RBFOX1: variants seen among roughly 807,000 people sequenced by gnomAD.
RBFOX1 encodes RNA binding fox-1 homolog 1.
RBFOX1 carries 8 observed loss-of-function variants against 57.7 expected under a neutral mutation model. That is an observed-to-expected ratio of 0.14 (90% CI 0.08 to 0.25). The LOEUF (loss-of-function observed/expected upper bound fraction) is 0.25. RBFOX1 is among the 10% of genes least tolerant of loss of function. RBFOX1 has a pLI of 1.00. For missense variants in RBFOX1, 611 were observed against 548.5 expected (o/e 1.11, Z -1.14); for synonymous variants, 326 against 222.4 (o/e 1.47, Z -4.15).
chr16:6,134,969 A>G (rs1284782457), intron 1 of RBFOX1, among the ~76,000 whole-genome samples: 1 of 152,084 alleles, frequency 6.6e-6, no homozygotes, highest in Non-Finnish European at 1.5e-5. Context: ...AACATTAGGT[A>G]TATCTCCAAC....
intron 2 of RBFOX1, among the ~76,000 whole-genome samples, chr16:6,465,743 A>G (rs1023761261): frequency 2.0e-5 from 3 of 152,054 alleles, no homozygotes; most frequent in African/African-American, 4.8e-5. Flanking sequence ...AGGAGTTGCA[A>G]CAGAGACCAT....
chr16:5,897,068 G>A (rs1212112232), intron 4 of RBFOX1, among the ~76,000 whole-genome samples: 1 of 109,048 alleles, frequency 9.2e-6, no homozygotes, highest in African/African-American at 3.6e-5. Flanking sequence ...TCGCTCTGTC[G>A]CCCAGGCCGG....
Position 7,632,372 on chromosome 16 carries a change from T to C in RBFOX1, c.757+1689T>C, listed in dbSNP as rs1197260991. 4.6e-5 allele frequency among the ~76,000 whole-genome samples: 7 copies of C among 152,230 alleles called. No homozygotes were observed. The East Asian group carries it at 1.3e-3, about 29-fold the overall frequency. On this transcript the variant is annotated intron_variant, in intron 11 of 15. Coordinates refer to ENST00000550418, the MANE Select transcript of RBFOX1 (RefSeq NM_018723.4). ...TCCTTGGGGCCAGTGTAAATGTGTG[T>C]GCATGTATCTCCTGAAATTGTAATG...
At chr16:6,384,841 A>G (rs1036206718) in intron 2 of RBFOX1, among the ~76,000 whole-genome samples, 1 of 152,168 alleles carries the variant, frequency 6.6e-6, no homozygotes, top group African/African-American at 2.4e-5. Context: ...TCAGCCTGTG[A>G]TCTGGGAGGT....
chr16:6,457,992 G>A (rs1396616770), intron 2 of RBFOX1, among the ~76,000 whole-genome samples: 1 of 138,820 alleles, frequency 7.2e-6, no homozygotes, highest in Admixed American at 7.8e-5. Context: ...CACATACATA[G>A]GTTTGTGTTC....
chr16:6,844,440 T>C (rs1388446699), intron 3 of RBFOX1, among the ~76,000 whole-genome samples: 4 of 152,210 alleles, frequency 2.6e-5, no homozygotes, highest in Non-Finnish European at 5.9e-5. Flanking sequence ...AGTAAGAACA[T>C]GTGGTGTTTG....
chr16:5,599,253 G>A (rs1199798139), exon 3 of RBFOX1: 2 of 674,248 alleles, frequency 3.0e-6, no homozygotes, highest in Non-Finnish European at 5.4e-6. Flanking sequence ...TTGGTGACAA[G>A]GCTGCAAATT....
chr16:5,421,924 T>A (rs1287453303), intron 1 of RBFOX1, among the ~76,000 whole-genome samples: 1 of 152,078 alleles, frequency 6.6e-6, no homozygotes, highest in Non-Finnish European at 1.5e-5. Flanking sequence ...TTTTTAGCTG[T>A]GTGAGTGTCA....
chr16:7,300,093 G>A (rs1435217308), intron 4 of RBFOX1, among the ~76,000 whole-genome samples: 4 of 152,106 alleles, frequency 2.6e-5, no homozygotes, highest in Admixed American at 6.5e-5. Context: ...TTTCACTGCC[G>A]TCTCCCTTAC....
intron 1 of RBFOX1, among the ~76,000 whole-genome samples, chr16:5,308,755 T>C (rs1052132158): frequency 1.3e-5 from 2 of 152,074 alleles, no homozygotes; most frequent in Non-Finnish European, 2.9e-5. Context: ...TGTGTTACAT[T>C]TTTTTTCAAT....
chr16:7,363,189 G>C (rs1482730703), intron 4 of RBFOX1, among the ~76,000 whole-genome samples: 1 of 152,154 alleles, frequency 6.6e-6, no homozygotes, highest in East Asian at 1.9e-4. Context: ...CTGCACAACG[G>C]ATTGCCGTCA....
At chr16:5,703,489 A>G (rs946526039) in intron 3 of RBFOX1, among the ~76,000 whole-genome samples, 12 of 152,160 alleles carry the variant, frequency 7.9e-5, no homozygotes, top group African/African-American at 2.9e-4. Flanking sequence ...TACAAATATC[A>G]CAGAGCATCC....
Position 7,140,157 on chromosome 16 carries a change from CCTCTCT to C in RBFOX1, c.27+88091_27+88096del, listed in dbSNP as rs57128710. Among the ~76,000 whole-genome samples, 697 of 70,868 alleles carry C rather than the reference CCTCTCT, an allele frequency of 9.8e-3. 8 individuals carry two copies. The highest frequency in any genetic ancestry group is 0.014 in the Non-Finnish European group (514 of 36,902). The allele number at this position is 70,868 out of a possible 152,430, so 46.5% of individuals were successfully genotyped here. A position where few individuals can be genotyped will look rare whatever the true frequency, so the allele number is the denominator to read the frequency against. On this transcript the variant is annotated intron_variant, in intron 4 of 15. Coordinates refer to ENST00000550418, the MANE Select transcript of RBFOX1 (RefSeq NM_018723.4). ...CATTCTCTTATTCTCTCCTTCTCTC[CCTCTCT>C]CTCTCTCTCTCTCTCTCTCTCTCTC... is the stretch of plus-strand genomic sequence containing the variant.
chr16:7,003,280 G>A (rs187187811), intron 3 of RBFOX1, among the ~76,000 whole-genome samples: 148 of 151,808 alleles, frequency 9.7e-4, no homozygotes, highest in Non-Finnish European at 1.8e-3. Flanking sequence ...CCAACATGGT[G>A]AAACCCCCGT....
At position 5,257,032 on chromosome 16, in the gene RBFOX1, A is replaced by T. The variant is rs1407864178; in HGVS notation, c.219+16927A>T. ...TGTTGTTGGATTTTACACACAGGGA[A>T]ATCTAAGGAAGGTGTGGAAACCAGA... On this transcript the variant is annotated intron_variant, in intron 1 of 2. Transcript: ENST00000585867. 3.3e-5 allele frequency among the ~76,000 whole-genome samples: 5 copies of T among 152,136 alleles called. No homozygotes were observed. The East Asian group carries it at 7.7e-4, about 24-fold the overall frequency.
intron 3 of RBFOX1, among the ~76,000 whole-genome samples, chr16:6,924,361 C>T (rs116996128): frequency 0.022 from 3,404 of 151,906 alleles, 60 homozygotes; most frequent in Non-Finnish European, 0.035. Context: ...AAGAGGAACA[C>T]GCAAGAGAGA....
intron 1 of RBFOX1, among the ~76,000 whole-genome samples, chr16:5,443,485 A>C (rs1418460811): frequency 6.6e-6 from 1 of 152,076 alleles, no homozygotes; most frequent in Non-Finnish European, 1.5e-5. Context: ...TTACAGGCAC[A>C]CGCCACCACG....
chr16:5,400,416 A>G (rs1259099628), intron 1 of RBFOX1, among the ~76,000 whole-genome samples: 1 of 151,950 alleles, frequency 6.6e-6, no homozygotes, highest in Non-Finnish European at 1.5e-5. Flanking sequence ...CTCTTTGTAC[A>G]TCTCTATGTA....
intron 2 of RBFOX1, among the ~76,000 whole-genome samples, chr16:5,586,916 G>A (rs772752062): frequency 2.0e-4 from 30 of 152,226 alleles, no homozygotes; most frequent in Non-Finnish European, 4.1e-4. Flanking sequence ...TCTGCTGGCA[G>A]GCACTTAGCA....
Sources: allele counts gnomAD v4.1 joint callset (sites outside exome capture counted in the v4.1 genomes callset), GRCh38; gene constraint gnomAD v4.1.1; transcripts MANE v1.5; gene names NCBI Gene and HGNC (gene_info 2026-07-23, HGNC 2026-07-21).